The following ATXN1 variants were observed in gnomAD, a reference collection of about 807,000 sequenced individuals.
ATXN1 encodes ataxin-1.
A neutral mutation model predicts 56.4 loss-of-function variants in ATXN1; 8 were observed. The ratio of observed to expected loss-of-function variants is 0.14; its 90% CI spans 0.08 to 0.26. ATXN1 has a LOEUF of 0.26. ATXN1 is among the 10% of genes least tolerant of loss of function. The pLI, the probability that ATXN1 is intolerant of heterozygous loss-of-function variation, is 1.00. For missense variants in ATXN1, 987 were observed against 1,106.5 expected (o/e 0.89, Z 1.53); for synonymous variants, 514 against 494.6 (o/e 1.04, Z -0.52).
chr6:16,381,044 C>CGTG (rs1758098276), intron 6 of ATXN1, among the ~76,000 whole-genome samples: 1 of 152,198 alleles, frequency 6.6e-6, no homozygotes, highest in Non-Finnish European at 1.5e-5. Flanking sequence ...GTAATCCCAG[C>CGTG]ACTTTGGGAG....
chr6:16,753,728 C>T (rs1414916368), intron 1 of ATXN1, among the ~76,000 whole-genome samples: 1 of 152,064 alleles, frequency 6.6e-6, no homozygotes, highest in Non-Finnish European at 1.5e-5. Context: ...AGTAATTGAG[C>T]CAAAGCCTAA....
intron 6 of ATXN1, among the ~76,000 whole-genome samples, chr6:16,395,088 A>G (rs981143048): frequency 6.6e-6 from 1 of 152,082 alleles, no homozygotes; most frequent in Non-Finnish European, 1.5e-5. Flanking sequence ...TCGGACCAAC[A>G]TGGAGAAATC....
intron 3 of ATXN1, among the ~76,000 whole-genome samples, chr6:16,640,440 T>C (rs904822282): frequency 6.6e-6 from 1 of 152,102 alleles, no homozygotes; most frequent in African/African-American, 2.4e-5. Flanking sequence ...TCCCAGCACT[T>C]TGGGAGGCCA....
intron 3 of ATXN1, among the ~76,000 whole-genome samples, chr6:16,589,387 G>C (rs1223193446): frequency 6.6e-6 from 1 of 151,348 alleles, no homozygotes; most frequent in Non-Finnish European, 1.5e-5. Flanking sequence ...AGAAATGTGT[G>C]TATATACACG....
chr6:16,468,910 AG>A (rs1486026920), intron 6 of ATXN1, among the ~76,000 whole-genome samples: 1 of 152,050 alleles, frequency 6.6e-6, no homozygotes, highest in African/African-American at 2.4e-5. Context: ...AAAAAAAAAA[AG>A]GTAGGACTGT....
At chr6:16,523,662 C>T (rs1761337797) in intron 4 of ATXN1, among the ~76,000 whole-genome samples, 1 of 152,164 alleles carries the variant, frequency 6.6e-6, no homozygotes, top group African/African-American at 2.4e-5. Context: ...CTGCAGTGAT[C>T]TGTATGTAAT....
At chr6:16,434,605 C>G (rs2113586890) in intron 6 of ATXN1, among the ~76,000 whole-genome samples, 1 of 152,346 alleles carries the variant, frequency 6.6e-6, no homozygotes, top group Admixed American at 6.5e-5. Context: ...CCATACCACA[C>G]AGCATAATTT....
chr6:16,507,284 G>C (rs1006609131), intron 5 of ATXN1, among the ~76,000 whole-genome samples: 2 of 152,150 alleles, frequency 1.3e-5, no homozygotes, highest in Non-Finnish European at 2.9e-5. Context: ...CTGCACTATA[G>C]AAGGTGTTTG....
rs945063697 is a variant in ATXN1, at chr6:16,326,042, C to T, written c.1917+352G>A. On this transcript the variant is annotated intron_variant, in intron 7 of 7. Transcript: ENST00000436367. The surrounding 1 kb of genome is among the most constrained non-coding windows in gnomAD (Gnocchi z 6.6). ...GTCTTTTCCTGGTAAGAAAAAGTGC[C>T]GAATGACCACTAGAAGGACCTGAAG... Among the ~76,000 whole-genome samples the T allele has an allele frequency of 6.6e-6, 1 of 152,184 alleles. No homozygotes were observed. The highest frequency in any genetic ancestry group is 1.5e-5 in the Non-Finnish European group (1 of 68,028).
intron 5 of ATXN1, among the ~76,000 whole-genome samples, chr6:16,503,065 C>T (rs1267852232): frequency 2.0e-5 from 3 of 152,148 alleles, no homozygotes; most frequent in Non-Finnish European, 2.9e-5. Flanking sequence ...CAATGATTTT[C>T]AAATGTGTTT....
intron 3 of ATXN1, among the ~76,000 whole-genome samples, chr6:16,588,576 C>A (rs1561768548): frequency 1.3e-5 from 2 of 152,196 alleles, no homozygotes; most frequent in South Asian, 4.1e-4. Context: ...TATAGAATGA[C>A]CCTCCCTGGT....
At chr6:16,546,070 C>G (rs1453346165) in intron 4 of ATXN1, among the ~76,000 whole-genome samples, 1 of 152,124 alleles carries the variant, frequency 6.6e-6, no homozygotes, top group Admixed American at 6.6e-5. Context: ...GCTGCTGTTC[C>G]TGAGAAATGA....
rs1045006588 is a variant in ATXN1, at chr6:16,506,217, G to C, written c.-299+16410C>G. 2.6e-5 allele frequency among the ~76,000 whole-genome samples: 4 copies of C among 152,268 alleles called. No homozygotes were observed. The highest frequency in any genetic ancestry group is 3.4e-3 in the Middle Eastern group (1 of 294). On this transcript the variant is annotated intron_variant, in intron 5 of 7. Transcript: ENST00000436367. This position sits in a 1 kb window ranked among gnomAD's most constrained non-coding sequence, Gnocchi z 4.1. ...TTTCGCTGGTGATTTATTTCCATTTGTTCACATGATGTGACTCATCATTTG... is the reference window on the plus strand; with the variant it reads ...TTTCGCTGGTGATTTATTTCCATTTCTTCACATGATGTGACTCATCATTTG...
At chr6:16,711,084 C>T (rs1046479329) in intron 2 of ATXN1, among the ~76,000 whole-genome samples, 4 of 152,116 alleles carry the variant, frequency 2.6e-5, no homozygotes, top group African/African-American at 9.7e-5. Context: ...ATAGTATTGA[C>T]CTAAGTACAG....
chr6:16,377,004 CG>C (rs150649488), intron 6 of ATXN1, among the ~76,000 whole-genome samples: 1,990 of 152,282 alleles, frequency 0.013, 47 homozygotes, highest in African/African-American at 0.045. Flanking sequence ...TTCATTCACA[CG>C]AGCACTTCCA....
intron 6 of ATXN1, among the ~76,000 whole-genome samples, chr6:16,347,614 C>A (rs1377737287): frequency 6.6e-6 from 1 of 152,184 alleles, no homozygotes; most frequent in Non-Finnish European, 1.5e-5. Context: ...CACTCTGTAT[C>A]TAGCTACTCT....
intron 6 of ATXN1, among the ~76,000 whole-genome samples, chr6:16,404,477 A>T (rs894974148): frequency 6.6e-6 from 1 of 152,172 alleles, no homozygotes; most frequent in Admixed American, 6.5e-5. Flanking sequence ...TCAGGTCCAG[A>T]ACCTGACTAA....
chr6:16,758,553 G>C (rs1338832743), intron 1 of ATXN1, among the ~76,000 whole-genome samples: 2 of 152,238 alleles, frequency 1.3e-5, no homozygotes, highest in African/African-American at 2.4e-5. Flanking sequence ...ACTGAAAGAA[G>C]ATGCAATTGA....
At chr6:16,479,442 C>T (rs1305498275) in intron 6 of ATXN1, among the ~76,000 whole-genome samples, 1 of 152,130 alleles carries the variant, frequency 6.6e-6, no homozygotes, top group African/African-American at 2.4e-5. Flanking sequence ...ATAGCTACCA[C>T]TGGAAATTTA....
Sources: gnomAD v4.1 joint callset for allele counts (sites outside exome capture counted in the v4.1 genomes callset) on GRCh38, gnomAD v4.1.1 for gene constraint, Gnocchi (gnomAD v3.1) non-coding constraint, MANE v1.5 for transcripts, NCBI Gene and HGNC (gene_info 2026-07-23, HGNC 2026-07-21) for gene names.